Variants in DPYD observed in about 807,000 individuals in gnomAD.
The protein encoded by DPYD is dihydropyrimidine dehydrogenase, also known as dihydropyrimidine dehydrogenase [NADP(+)].
DPYD carries 109 observed loss-of-function variants against 116.2 expected under a neutral mutation model. The ratio of observed to expected loss-of-function variants is 0.94; its 90% CI spans 0.80 to 1.10. The LOEUF is 1.10. Ranked by LOEUF, DPYD falls within the 50% of genes least tolerant of loss-of-function variation. DPYD has a pLI of 0.00. For synonymous variants in DPYD, 440 were observed against 432.0 expected (o/e 1.02, Z -0.23); for missense variants, 1,302 against 1,254.5 (o/e 1.04, Z -0.57).
At chr1:97,235,188 G>A (rs1026835774) in intron 18 of DPYD, among the ~76,000 whole-genome samples, 194 bp from the exon 19 acceptor site, 1 of 152,194 alleles carries the variant, frequency 6.6e-6, no homozygotes, top group African/African-American at 2.4e-5. Context: ...GTTAATGGAT[G>A]TTTATTTATT....
chr1:97,545,824 T>G, intron 12 of DPYD: 1 of 1,265,280 alleles, frequency 7.9e-7, no homozygotes, highest in Non-Finnish European at 1.2e-6. Flanking sequence ...GCAATTTAAG[T>G]CTCCCCTTCT....
chr1:97,854,424 G>A (rs1292676092), intron 2 of DPYD, among the ~76,000 whole-genome samples: 1 of 152,080 alleles, frequency 6.6e-6, no homozygotes, highest in African/African-American at 2.4e-5. Context: ...GTAATACATG[G>A]TTATAGTTCA....
chr1:97,571,063 C>G (rs1652861829), intron 11 of DPYD, among the ~76,000 whole-genome samples: 3 of 151,890 alleles, frequency 2.0e-5, no homozygotes, highest in Admixed American at 2.0e-4. Context: ...ATTTATATGT[C>G]TTGAGGAATG....
intron 2 of DPYD, among the ~76,000 whole-genome samples, chr1:97,873,950 T>C (rs1447483790): frequency 1.3e-5 from 2 of 151,678 alleles, no homozygotes; most frequent in African/African-American, 4.8e-5. Flanking sequence ...ATATGAAAAA[T>C]AGTATGTTAG....
chr1:97,500,942 C>T (rs531172808), intron 13 of DPYD, among the ~76,000 whole-genome samples: 1 of 152,154 alleles, frequency 6.6e-6, no homozygotes, highest in South Asian at 2.1e-4. Context: ...CAAGCGTACC[C>T]TAATTAACCA....
At chr1:97,773,138 T>C (rs1487785128) in intron 3 of DPYD, among the ~76,000 whole-genome samples, 1 of 152,216 alleles carries the variant, frequency 6.6e-6, no homozygotes, top group African/African-American at 2.4e-5. Context: ...ACAATGCCTA[T>C]ACCCCGCTAA....
intron 10 of DPYD, among the ~76,000 whole-genome samples, chr1:97,580,012 C>T (rs369021285): frequency 6.6e-5 from 10 of 152,104 alleles, no homozygotes; most frequent in South Asian, 2.1e-4. Flanking sequence ...TTATGTAATG[C>T]GATGATTTGG....
At chr1:97,139,578 T>A (rs1654062210) in intron 20 of DPYD, among the ~76,000 whole-genome samples, 2 of 152,184 alleles carry the variant, frequency 1.3e-5, no homozygotes, top group Non-Finnish European at 2.9e-5. Flanking sequence ...TATCATTACA[T>A]CCTTGGTTTT....
intron 13 of DPYD, among the ~76,000 whole-genome samples, chr1:97,502,300 C>T (rs893340829): frequency 1.3e-5 from 2 of 151,972 alleles, no homozygotes; most frequent in African/African-American, 4.8e-5. Context: ...CTAAACTTTG[C>T]CATTAGCAGC....
chr1:97,264,162 GTTTTTTTTTTTTTTTTTTTT>G (rs71071641), intron 18 of DPYD, among the ~76,000 whole-genome samples: 2 of 60,088 alleles, frequency 3.3e-5, no homozygotes, highest in African/African-American at 4.9e-5. Context: ...GCAAAATTCT[GTTTTTTTTTTTTTTTTTTTT>G]TTTTTTTTTT....
At chr1:97,383,883 A>T (rs1315605454) in intron 14 of DPYD, among the ~76,000 whole-genome samples, 1 of 152,160 alleles carries the variant, frequency 6.6e-6, no homozygotes, top group Non-Finnish European at 1.5e-5. Flanking sequence ...CAAAGCAGGA[A>T]GATCGCTTGA....
At chr1:97,702,088 C>T (rs1661630172) in intron 5 of DPYD, among the ~76,000 whole-genome samples, 1 of 151,584 alleles carries the variant, frequency 6.6e-6, no homozygotes. Context: ...TCAACATATA[C>T]TGTTATCTTT....
At chr1:97,296,924 G>T (rs1412544007) in intron 18 of DPYD, among the ~76,000 whole-genome samples, 2 of 152,030 alleles carry the variant, frequency 1.3e-5, no homozygotes, top group South Asian at 2.1e-4. Flanking sequence ...TTCCTAGTAG[G>T]TTTATTTAAA....
intron 2 of DPYD, 38 bp from the exon 3 acceptor site, chr1:97,828,234 T>C: frequency 6.3e-7 from 1 of 1,593,430 alleles, no homozygotes; most frequent in East Asian, 2.2e-5. Context: ...TTCTCTAAGA[T>C]CCTGAGAAAA....
chr1:97,552,205 CT>C lies in DPYD; in HGVS notation c.1340-2462del, dbSNP rs1354386215. Among the ~76,000 whole-genome samples the C allele has an allele frequency of 1.6e-4, 24 of 152,212 alleles. 1 individual carries two copies. Among genetic ancestry groups the C allele is most frequent in the Admixed American group, 1.6e-3 (24 of 15,274 alleles). On this transcript the variant is annotated intron_variant, in intron 11 of 22. Transcript: ENST00000370192. Reference sequence around the variant, plus strand: ...ATTTTTCTTTTCTTAAAGAAGAGCTCTCAAATTGTATACACTTCAGGCCTCA... The same window carrying C: ...ATTTTTCTTTTCTTAAAGAAGAGCTCCAAATTGTATACACTTCAGGCCTCA...
intron 2 of DPYD, among the ~76,000 whole-genome samples, chr1:97,867,969 A>C (rs1671469891): frequency 6.6e-6 from 1 of 151,730 alleles, no homozygotes. Context: ...TGTATAGAAA[A>C]CCCGAAAGCC....
intron 3 of DPYD, among the ~76,000 whole-genome samples, chr1:97,762,662 T>A (rs1665640125): frequency 6.6e-6 from 1 of 152,156 alleles, no homozygotes; most frequent in African/African-American, 2.4e-5. Context: ...TCTTCATCCT[T>A]TCTTTCCAAT....
rs368125014 is a variant in DPYD, at chr1:97,387,119, A to G, written c.1906-4658T>C. On this transcript the variant is annotated intron_variant, in intron 14 of 22. Coordinates refer to ENST00000370192, the MANE Select transcript of DPYD (RefSeq NM_000110.4). ...TAATTTATGCCATTTCTAGTGCTCA[A>G]TTTTTATGGCTCATATTTTAAAACA... Among the ~76,000 whole-genome samples, 14 of 152,206 alleles carry G rather than the reference A, an allele frequency of 9.2e-5. No individual in the cohort carries two copies. In the South Asian group the frequency reaches 2.7e-3, roughly 29 times the overall value.
chr1:97,614,227 T>C (rs1195346143), intron 8 of DPYD, among the ~76,000 whole-genome samples: 1 of 152,090 alleles, frequency 6.6e-6, no homozygotes, highest in Non-Finnish European at 1.5e-5. Flanking sequence ...AGATTTTATT[T>C]ACTAAAGAAT....
Sources: gnomAD v4.1 joint callset for allele counts (sites outside exome capture counted in the v4.1 genomes callset) on GRCh38, gnomAD v4.1.1 for gene constraint, MANE v1.5 for transcripts, NCBI Gene and HGNC (gene_info 2026-07-23, HGNC 2026-07-21) for gene names.